The following DTWD2 variants were observed in gnomAD, a reference collection of about 807,000 sequenced individuals.
The protein encoded by DTWD2 is DTW motif tRNA-uridine aminocarboxypropyltransferase 2.
In DTWD2, 39 loss-of-function variants were observed where a neutral mutation model predicts 31.8. The observed-to-expected ratio is 1.22, with a 90% CI of 0.95 to 1.60. The LOEUF (loss-of-function observed/expected upper bound fraction) is 1.60. Ranked by LOEUF, DTWD2 falls within the 40% of genes most tolerant of loss-of-function variation. DTWD2 has a pLI of 0.00. For synonymous variants in DTWD2, 180 were observed against 142.8 expected, an observed-to-expected ratio of 1.26 and a Z score of -1.86; for missense variants, 515 against 381.5, an observed-to-expected ratio of 1.35 and a Z score of -2.92.
intron 5 of DTWD2, among the ~76,000 whole-genome samples, chr5:118,847,316 G>A (rs751347554): frequency 6.6e-6 from 1 of 152,026 alleles, no homozygotes; most frequent in African/African-American, 2.4e-5. Flanking sequence ...TGTTTTGAAG[G>A]GGGAGTTATA....
chr5:118,904,499 T>C (rs895012129), intron 4 of DTWD2, among the ~76,000 whole-genome samples: 4 of 152,122 alleles, frequency 2.6e-5, no homozygotes, highest in African/African-American at 7.2e-5. Context: ...GTAGCAGGAA[T>C]AAAACATTTT....
At chr5:118,929,227 T>C (rs536297613) in intron 3 of DTWD2, among the ~76,000 whole-genome samples, 85 of 152,332 alleles carry the variant, frequency 5.6e-4, no homozygotes, top group African/African-American at 1.9e-3. Flanking sequence ...CAACTAAATA[T>C]GGCCTGAGAA....
At chr5:118,941,887 G>C (rs299211) in intron 2 of DTWD2, among the ~76,000 whole-genome samples, 20,812 of 152,136 alleles carry the variant, frequency 0.14, 1,822 homozygotes, top group East Asian at 0.47. Context: ...GGTGTGAGAT[G>C]ATATCTCATT....
intron 1 of DTWD2, among the ~76,000 whole-genome samples, chr5:118,952,703 G>T (rs1754493869): frequency 6.6e-6 from 1 of 152,130 alleles, no homozygotes; most frequent in Non-Finnish European, 1.5e-5. Flanking sequence ...AAAGTTGGTT[G>T]TCTGGAAGTG....
At chr5:118,843,387 A>G (rs1302438617) in intron 5 of DTWD2, among the ~76,000 whole-genome samples, 1 of 151,946 alleles carries the variant, frequency 6.6e-6, no homozygotes, top group East Asian at 1.9e-4. Context: ...GGAAGGAGAG[A>G]GATAGAAAGA....
intron 1 of DTWD2, among the ~76,000 whole-genome samples, chr5:118,987,778 T>C (rs1023162852): frequency 6.6e-6 from 1 of 152,162 alleles, no homozygotes; most frequent in African/African-American, 2.4e-5. Flanking sequence ...TAGATGATAA[T>C]TTACCATGAA....
intron 4 of DTWD2, among the ~76,000 whole-genome samples, chr5:118,902,734 C>G (rs146701536): frequency 6.6e-6 from 1 of 152,156 alleles, no homozygotes; most frequent in African/African-American, 2.4e-5. Context: ...TTAATAACTA[C>G]TGGAACTCAT....
intron 1 of DTWD2, among the ~76,000 whole-genome samples, chr5:118,953,500 A>G (rs567701113): frequency 2.0e-5 from 3 of 152,344 alleles, no homozygotes; most frequent in Admixed American, 6.5e-5. Context: ...GCAACATGAT[A>G]ACTATATTGC....
chr5:118,891,018 G>C (rs1752966704), intron 4 of DTWD2, among the ~76,000 whole-genome samples: 1 of 151,184 alleles, frequency 6.6e-6, no homozygotes, highest in African/African-American at 2.4e-5. Context: ...AATTCTGTAA[G>C]GTGAAAAATA....
chr5:118,921,703 AAT>A (rs1164686447), intron 4 of DTWD2, among the ~76,000 whole-genome samples: 1 of 152,196 alleles, frequency 6.6e-6, no homozygotes, highest in Non-Finnish European at 1.5e-5. Flanking sequence ...TTTCCTGGAA[AAT>A]ACAGTACAGA....
At chr5:118,962,399 TACAGCTAAGA>T (rs1754726366) in intron 1 of DTWD2, among the ~76,000 whole-genome samples, 1 of 152,160 alleles carries the variant, frequency 6.6e-6, no homozygotes, top group Non-Finnish European at 1.5e-5. Context: ...AACACCTATA[TACAGCTAAGA>T]ATTGAGTACA....
intron 4 of DTWD2, among the ~76,000 whole-genome samples, chr5:118,890,633 C>T (rs1424332000): frequency 7.9e-6 from 1 of 126,914 alleles, no homozygotes; most frequent in Non-Finnish European, 1.6e-5. Flanking sequence ...TGCAGTGGCA[C>T]AATCTTGGCT....
chr5:118,965,295 C>T (rs566069136), intron 1 of DTWD2, among the ~76,000 whole-genome samples: 25 of 151,220 alleles, frequency 1.7e-4, no homozygotes, highest in Admixed American at 1.0e-3. Context: ...CCAGCCTCCC[C>T]GTCCGGGAGG....
chr5:118,925,840 A>T (rs1302725675), intron 4 of DTWD2, among the ~76,000 whole-genome samples: 1 of 151,768 alleles, frequency 6.6e-6, no homozygotes, highest in East Asian at 1.9e-4. Context: ...GCAAGACTCC[A>T]TCTCAAAAAA....
chr5:118,892,794 C>A (rs754998155), intron 4 of DTWD2, among the ~76,000 whole-genome samples: 4 of 151,868 alleles, frequency 2.6e-5, no homozygotes, highest in Non-Finnish European at 4.4e-5. Context: ...AAAAAAAAAC[C>A]CAGCTCCATA....
chr5:118,882,067 T>A (rs926518877), intron 4 of DTWD2, among the ~76,000 whole-genome samples: 3 of 152,162 alleles, frequency 2.0e-5, no homozygotes, highest in African/African-American at 7.2e-5. Context: ...TATGAGCCAG[T>A]ACAATCAAAA....
chr5:118,870,273 C>T (rs764066828), intron 4 of DTWD2, among the ~76,000 whole-genome samples: 1 of 152,220 alleles, frequency 6.6e-6, no homozygotes, highest in Non-Finnish European at 1.5e-5. Context: ...TACTATAGCA[C>T]TGCTTACATA....
At chr5:118,877,190 T>G (rs926246801) in intron 4 of DTWD2, among the ~76,000 whole-genome samples, 1 of 152,192 alleles carries the variant, frequency 6.6e-6, no homozygotes, top group African/African-American at 2.4e-5. Context: ...AACTCTCAAG[T>G]GGCCGGGTAC....
chr5:118,884,359 A>C (rs1752808799), intron 4 of DTWD2, among the ~76,000 whole-genome samples: 1 of 152,200 alleles, frequency 6.6e-6, no homozygotes, highest in African/African-American at 2.4e-5. Context: ...TAAGTTTGTA[A>C]TATACTATTA....
Sources: gnomAD v4.1 joint callset for allele counts (sites outside exome capture counted in the v4.1 genomes callset) on GRCh38, gnomAD v4.1.1 for gene constraint, MANE v1.5 for transcripts, NCBI Gene and HGNC (gene_info 2026-07-23, HGNC 2026-07-21) for gene names.